ABCC9: variants seen among roughly 807,000 people sequenced by gnomAD.
ABCC9 encodes ATP-binding cassette sub-family C member 9.
In ABCC9, 95 loss-of-function variants were observed where a neutral mutation model predicts 188.3. The ratio of observed to expected loss-of-function variants is 0.50; its 90% CI spans 0.43 to 0.60. ABCC9 has a LOEUF of 0.60. ABCC9 is among the 20% of genes least tolerant of loss of function. ABCC9 has a pLI of 0.00. For synonymous variants in ABCC9, 659 were observed against 652.7 expected (o/e 1.01, Z -0.15); for missense variants, 1,102 against 1,876.3 (o/e 0.59, Z 7.62).
chr12:21,916,550 C>T (rs1229073014), intron 6 of ABCC9, among the ~76,000 whole-genome samples: 2 of 152,108 alleles, frequency 1.3e-5, no homozygotes, highest in East Asian at 1.9e-4. Flanking sequence ...AATGAGCAAA[C>T]TGGATTAGAT....
chr12:21,895,018 C>T (rs1028502373), intron 13 of ABCC9, among the ~76,000 whole-genome samples: 1 of 152,116 alleles, frequency 6.6e-6, no homozygotes, highest in Non-Finnish European at 1.5e-5. Context: ...GCTACTGGCA[C>T]CTGGTAGCTA....
intron 38 of ABCC9, 43 bp from the exon 39 acceptor site, chr12:21,806,103 T>C (rs759224845): frequency 6.4e-7 from 1 of 1,561,224 alleles, no homozygotes; most frequent in Non-Finnish European, 8.8e-7. Flanking sequence ...GATTACTTTG[T>C]CATCATAATA....
intron 29 of ABCC9, among the ~76,000 whole-genome samples, chr12:21,840,208 C>T (rs967832548): frequency 6.6e-6 from 1 of 152,158 alleles, no homozygotes; most frequent in Admixed American, 6.5e-5. Context: ...GCTAGTTTCC[C>T]ACTTAAGTTC....
chr12:21,841,342 GTTTCCTTTTTTTTTTTTTTT>G (rs1432634500), intron 29 of ABCC9, among the ~76,000 whole-genome samples: 27 of 115,188 alleles, frequency 2.3e-4, no homozygotes, highest in Non-Finnish European at 4.2e-4. Flanking sequence ...TATGTTTCTG[GTTTCCTTTTTTTTTTTTTTT>G]TTTTTTTTTT....
At chr12:21,844,698 C>T (rs531752891) in intron 27 of ABCC9, 69 bp downstream of exon 27, 11 of 1,598,002 alleles carry the variant, frequency 6.9e-6, no homozygotes, top group Non-Finnish European at 8.6e-6. Context: ...CTTTCACATT[C>T]CACTTAAATT....
At chr12:21,924,371 T>G (rs989009260) in intron 5 of ABCC9, 1 of 152,072 alleles carries the variant, frequency 6.6e-6, no homozygotes, top group Non-Finnish European at 1.5e-5. Context: ...AAAATGTAAT[T>G]TGAAGAATTC....
chr12:21,868,578 G>A (rs964862374), intron 18 of ABCC9, among the ~76,000 whole-genome samples: 2 of 152,132 alleles, frequency 1.3e-5, no homozygotes, highest in African/African-American at 4.8e-5. Context: ...GGCCGAGCTT[G>A]CAGTGAGCCA....
chr12:21,837,276 A>G (rs961960311), intron 30 of ABCC9, among the ~76,000 whole-genome samples: 4 of 152,200 alleles, frequency 2.6e-5, no homozygotes, highest in African/African-American at 4.8e-5. Flanking sequence ...TGCCGCCTAC[A>G]TAGATTATGT....
At position 21,941,408 on chromosome 12, in the gene ABCC9, T is replaced by G. The variant is rs2138107684; in HGVS notation, c.-345A>C. 1 of 152,476 alleles carries G rather than the reference T, an allele frequency of 6.6e-6. No homozygotes were observed. Among genetic ancestry groups the G allele is most frequent in the Admixed American group, 6.5e-5 (1 of 15,310 alleles). The allele number at this position is 152,476 out of a possible 1,614,324, so 9.4% of individuals were successfully genotyped here. A position where few individuals can be genotyped will look rare whatever the true frequency, so the allele number is the denominator to read the frequency against. ...TGGGGCCGGAGACCTTCCCCATCCC[T>G]GCTCTGCTCAGCTTTGACTTGGGGC... On this transcript the variant is annotated 5_prime_UTR_variant, in exon 1 of 40. Transcript: ENST00000261200. The surrounding 1 kb of genome is among the most constrained non-coding windows in gnomAD (Gnocchi z 5.4).
chr12:21,902,723 C>T (rs928029468), intron 12 of ABCC9, among the ~76,000 whole-genome samples: 9 of 152,082 alleles, frequency 5.9e-5, no homozygotes, highest in Non-Finnish European at 1.2e-4. Flanking sequence ...ACACATACAG[C>T]CTCCCAAGAC....
intron 7 of ABCC9, 110 bp downstream of exon 7, chr12:21,915,558 G>A (rs1702228267): frequency 5.4e-6 from 4 of 739,646 alleles, no homozygotes; most frequent in Non-Finnish European, 7.7e-6. Context: ...TGTCACCCCG[G>A]CTGGAGTGCA....
At position 21,859,720 on chromosome 12, in the gene ABCC9, T is replaced by C. The variant is rs1356831664; in HGVS notation, c.2425-54A>G. On this transcript the variant is annotated intron_variant, in intron 21 of 39. Transcript: ENST00000261200. ...TTTTTTAATATTAGTAAATGATCTT[T>C]TGGTAATATGACCTTAAATTACAAA... 4.8e-6 allele frequency: 7 copies of C among 1,452,198 alleles called. No individual in the cohort carries two copies. The Admixed American group carries it at 1.0e-4, about 21-fold the overall frequency. 90.0% of individuals were successfully genotyped at this position (1,452,198 alleles called of 1,614,324 possible). A position where few individuals can be genotyped will look rare whatever the true frequency, so the allele number is the denominator to read the frequency against.
At chr12:21,824,815 T>C (rs576240817) in intron 31 of ABCC9, among the ~76,000 whole-genome samples, 9 of 152,364 alleles carry the variant, frequency 5.9e-5, no homozygotes, top group East Asian at 5.8e-4. Flanking sequence ...GTAGTTTGTA[T>C]TGATGTGGGA....
In ABCC9 at chr12:21,807,355, G is replaced by A. The variant is rs755085104; in HGVS notation, c.4440C>T (p.Asp1480=). The change falls in exon 38 of 40, where the codon GAC becomes GAT. Residue 1480 remains aspartate, a synonymous_variant. Coordinates refer to ENST00000261200, the MANE Select transcript of ABCC9 (RefSeq NM_020297.4). ...LIMDEATASI[D]MATENILQKV... is the part of the protein sequence containing the mutation. Reference sequence around the variant, plus strand: ...TAGATAATGCACTCACTGTGGCCATGTCAATGGAAGCTGTTGCCTCATCCA... The same window carrying A: ...TAGATAATGCACTCACTGTGGCCATATCAATGGAAGCTGTTGCCTCATCCA... 1 of 1,613,910 alleles carries A rather than the reference G, an allele frequency of 6.2e-7. No homozygotes were observed. Among genetic ancestry groups the A allele is most frequent in the Admixed American group, 1.7e-5 (1 of 60,006 alleles).
intron 31 of ABCC9, among the ~76,000 whole-genome samples, chr12:21,826,356 A>G (rs982051302): frequency 6.6e-6 from 1 of 152,082 alleles, no homozygotes; most frequent in Non-Finnish European, 1.5e-5. Context: ...AAGGTACTAT[A>G]TCTCAACTTC....
In ABCC9 at chr12:21,800,568, A is replaced by G. The variant is rs73253073; in HGVS notation, c.*476T>C. The G allele has an allele frequency of 2.5e-5, 4 of 159,958 alleles. No individual in the cohort carries two copies. Among genetic ancestry groups the G allele is most frequent in the African/African-American group, 9.6e-5 (4 of 41,624 alleles). 9.9% of individuals were successfully genotyped at this position (159,958 alleles called of 1,614,324 possible). On this transcript the variant is annotated 3_prime_UTR_variant, in exon 40 of 40. Coordinates refer to ENST00000261200, the MANE Select transcript of ABCC9 (RefSeq NM_020297.4). ...TACTAATGTTAATGAATACAAATAA[A>G]TTCTCATGAAGTAGATAATGAATTT...
intron 12 of ABCC9, among the ~76,000 whole-genome samples, chr12:21,905,213 C>A (rs1008479714): frequency 5.3e-5 from 8 of 152,024 alleles, no homozygotes; most frequent in African/African-American, 1.9e-4. Flanking sequence ...TAGGTGGGAA[C>A]TGAACAATGA....
In ABCC9 at chr12:21,827,285, C is replaced by T. The variant is rs541788659; in HGVS notation, c.3669+1673G>A. ...TTTGCTTGAAGATTCTTGTTCAACACTTATCCATTAATCTGACAGCAGGAA... is the reference window on the plus strand; with the variant it reads ...TTTGCTTGAAGATTCTTGTTCAACATTTATCCATTAATCTGACAGCAGGAA... On this transcript the variant is annotated intron_variant, in intron 31 of 39. Transcript: ENST00000261200. 79 of 985,298 alleles carry T rather than the reference C, an allele frequency of 8.0e-5. No individual in the cohort carries two copies. In the African/African-American group the frequency reaches 1.3e-3, roughly 16 times the overall value. 61.0% of individuals were successfully genotyped at this position (985,298 alleles called of 1,614,324 possible).
intron 31 of ABCC9, among the ~76,000 whole-genome samples, chr12:21,825,160 T>C (rs921789994): frequency 1.3e-5 from 2 of 152,160 alleles, no homozygotes; most frequent in African/African-American, 4.8e-5. Context: ...CTAGAGACGA[T>C]GTGGAGAAAT....
Sources: gnomAD v4.1 joint callset for allele counts (sites outside exome capture counted in the v4.1 genomes callset) on GRCh38, gnomAD v4.1.1 for gene constraint, Gnocchi (gnomAD v3.1) non-coding constraint, MANE v1.5 for transcripts, NCBI Gene and HGNC (gene_info 2026-07-23, HGNC 2026-07-21) for gene names.